ALOX5AP: variants seen among roughly 807,000 people sequenced by gnomAD.
ALOX5AP encodes the protein arachidonate 5-lipoxygenase activating protein.
A neutral mutation model predicts 18.5 loss-of-function variants in ALOX5AP; 9 were observed. The observed-to-expected ratio is 0.49, with a 90% CI of 0.29 to 0.85. ALOX5AP has a LOEUF of 0.85. Among genes scored for constraint, ALOX5AP ranks in the 40% least tolerant of loss-of-function variants. The pLI, the probability that ALOX5AP is intolerant of heterozygous loss-of-function variation, is 0.08. For synonymous variants in ALOX5AP, 81 were observed against 78.6 expected (o/e 1.03, Z -0.16); for missense variants, 172 against 202.5 (o/e 0.85, Z 0.91).
chr13:30,744,171 C>A lies in ALOX5AP; in HGVS notation c.170+12C>A, dbSNP rs3803277. 745,189 of 1,611,096 alleles carry A rather than the reference C, an allele frequency of 0.46. 174,531 individuals carry two copies. The highest frequency in any genetic ancestry group is 0.64 in the East Asian group (28,552 of 44,780). On this transcript the variant is annotated intron_variant, in intron 2 of 4. Transcript: ENST00000380490. ...GTCTACACTGCCAAGTGAGTCCTAA[C>A]CCTGATGTTGCTAATAAGTGGGGGC...
intron 1 of ALOX5AP, among the ~76,000 whole-genome samples, chr13:30,723,019 A>T (rs1951606554): frequency 6.6e-6 from 1 of 152,216 alleles, no homozygotes; most frequent in African/African-American, 2.4e-5. Flanking sequence ...ATAATTATCC[A>T]GTCTCAGGTA....
chr13:30,713,860 G>T, intron 1 of ALOX5AP: 1 of 1,531,646 alleles, frequency 6.5e-7, no homozygotes, highest in African/African-American at 1.4e-5. Flanking sequence ...GTGTGTGCGC[G>T]CACACGCGCA....
chr13:30,751,973 C>T (rs979698792), intron 2 of ALOX5AP, 79 bp from the exon 3 acceptor site: 3 of 1,342,366 alleles, frequency 2.2e-6, no homozygotes, highest in African/African-American at 1.4e-5. Context: ...TTATTAACTT[C>T]AACTTTCAGG....
intron 2 of ALOX5AP, among the ~76,000 whole-genome samples, chr13:30,748,168 C>G (rs909509457): frequency 2.0e-5 from 3 of 152,298 alleles, no homozygotes. Context: ...ATCTGCCCGC[C>G]TCGGCCTCCC....
chr13:30,714,168 G>A (rs937977758), intron 1 of ALOX5AP, among the ~76,000 whole-genome samples: 4 of 142,366 alleles, frequency 2.8e-5, no homozygotes, highest in African/African-American at 7.9e-5. Flanking sequence ...AACAGATGCC[G>A]AATAGGCATT....
chr13:30,731,352 A>C (rs1951679175), upstream of ALOX5AP, among the ~76,000 whole-genome samples: 1 of 150,850 alleles, frequency 6.6e-6, no homozygotes, highest in East Asian at 1.9e-4. Flanking sequence ...GCTCCTTGCT[A>C]TGTGGGTCTT....
chr13:30,731,345 C>T (rs1188217808), upstream of ALOX5AP, among the ~76,000 whole-genome samples: 2 of 151,772 alleles, frequency 1.3e-5, no homozygotes, highest in Admixed American at 1.3e-4. Context: ...TTGTTCTGCT[C>T]CTTGCTATGT....
At chr13:30,752,217 C>A in intron 3 of ALOX5AP, 95 bp downstream of exon 3, 1 of 1,272,868 alleles carries the variant, frequency 7.9e-7, no homozygotes. Context: ...CTTTGCCTGA[C>A]CTCTGGCTCC....
intron 1 of ALOX5AP, among the ~76,000 whole-genome samples, chr13:30,723,988 T>G (rs920626029): frequency 2.4e-4 from 36 of 152,174 alleles, no homozygotes; most frequent in African/African-American, 8.7e-4. Flanking sequence ...GTGTACAGAT[T>G]GACAAGTTCT....
chr13:30,721,639 C>T (rs1348741127), intron 1 of ALOX5AP, among the ~76,000 whole-genome samples: 1 of 152,218 alleles, frequency 6.6e-6, no homozygotes, highest in African/African-American at 2.4e-5. Flanking sequence ...TCAATCCATG[C>T]TCCACACTGC....
At chr13:30,746,088 A>C (rs1951806822) in intron 2 of ALOX5AP, among the ~76,000 whole-genome samples, 1 of 152,248 alleles carries the variant, frequency 6.6e-6, no homozygotes, top group Non-Finnish European at 1.5e-5. Flanking sequence ...GTTTGTAAGA[A>C]GCCATGGTGC....
intron 1 of ALOX5AP, among the ~76,000 whole-genome samples, chr13:30,715,992 C>A (rs937474653): frequency 6.6e-6 from 1 of 152,298 alleles, no homozygotes; most frequent in East Asian, 1.9e-4. Context: ...CCCGGGCTCC[C>A]CTCCAGAGCT....
chr13:30,749,825 G>A (rs1951837526), intron 2 of ALOX5AP, among the ~76,000 whole-genome samples: 1 of 152,122 alleles, frequency 6.6e-6, no homozygotes, highest in Admixed American at 6.5e-5. Flanking sequence ...GACCATCAGA[G>A]GACCACGAAG....
intron 3 of ALOX5AP, among the ~76,000 whole-genome samples, chr13:30,754,111 T>C (rs554846595): frequency 2.0e-5 from 3 of 152,258 alleles, no homozygotes; most frequent in East Asian, 3.9e-4. Flanking sequence ...TGGTGGTGCA[T>C]GCCTGTAATG....
intron 4 of ALOX5AP, among the ~76,000 whole-genome samples, chr13:30,758,270 G>A (rs948566482): frequency 6.6e-6 from 1 of 152,176 alleles, no homozygotes; most frequent in African/African-American, 2.4e-5. Context: ...GCTACTTGCT[G>A]AGATCTTCTT....
intron 1 of ALOX5AP, among the ~76,000 whole-genome samples, chr13:30,736,782 A>G (rs4075131): frequency 0.3 from 45,163 of 152,112 alleles, 7,054 homozygotes; most frequent in African/African-American, 0.38. Context: ...AAACATTTTT[A>G]TACTAAATTA....
chr13:30,736,243 A>G (rs909247766), intron 1 of ALOX5AP, among the ~76,000 whole-genome samples: 2 of 151,832 alleles, frequency 1.3e-5, no homozygotes, highest in Admixed American at 1.3e-4. Flanking sequence ...AGCACGTATA[A>G]TTTTGGAAGC....
intron 1 of ALOX5AP, among the ~76,000 whole-genome samples, chr13:30,717,293 C>T (rs1951557725): frequency 1.3e-5 from 2 of 152,222 alleles, no homozygotes; most frequent in South Asian, 4.1e-4. Context: ...TTTTCCTCTT[C>T]ACTTACAGCA....
upstream of ALOX5AP, among the ~76,000 whole-genome samples, chr13:30,734,625 A>T (rs1566082366): frequency 6.6e-6 from 1 of 151,878 alleles, no homozygotes; most frequent in African/African-American, 2.4e-5. Flanking sequence ...AAGCACAGCC[A>T]CTCTACTCTT....
Sources: gnomAD v4.1 joint callset for allele counts (sites outside exome capture counted in the v4.1 genomes callset) on GRCh38, gnomAD v4.1.1 for gene constraint, MANE v1.5 for transcripts, NCBI Gene and HGNC (gene_info 2026-07-23, HGNC 2026-07-21) for gene names.